The following DHRS4 variants were observed in gnomAD, a reference collection of about 807,000 sequenced individuals.
DHRS4 encodes the protein dehydrogenase/reductase 4, also known as dehydrogenase/reductase SDR family member 4.
A neutral mutation model predicts 28.4 loss-of-function variants in DHRS4; 20 were observed. That is an observed-to-expected ratio of 0.71 (90% CI 0.50 to 1.02). The LOEUF (loss-of-function observed/expected upper bound fraction) is 1.02, where lower values mean the gene tolerates loss of function less well. DHRS4 is among the 50% of genes least tolerant of loss of function. The pLI is 0.00. For missense variants in DHRS4, 378 were observed against 367.2 expected, an observed-to-expected ratio of 1.03 and a Z score of -0.24; for synonymous variants, 144 against 146.4, an observed-to-expected ratio of 0.98 and a Z score of 0.12.
chr14:23,955,272 T>C, intron 2 of DHRS4, 60 bp downstream of exon 2: 3 of 1,542,324 alleles, frequency 1.9e-6, no homozygotes, highest in Non-Finnish European at 2.6e-6. Context: ...AGCCTGAGCC[T>C]CCTTCCCTGC....
chr14:23,955,312 G>A, intron 2 of DHRS4, 100 bp downstream of exon 2: 4 of 1,462,480 alleles, frequency 2.7e-6, no homozygotes, highest in Non-Finnish European at 3.6e-6. Context: ...TTTTTACTGT[G>A]TGCCTTTCTA....
At chr14:23,958,117 G>A (rs1396622892) in intron 2 of DHRS4, among the ~76,000 whole-genome samples, 1 of 151,940 alleles carries the variant, frequency 6.6e-6, no homozygotes, top group Non-Finnish European at 1.5e-5. Context: ...CAGGTGACTT[G>A]GCTTTGTGCC....
chr14:23,959,779 A>G (rs563857554), intron 2 of DHRS4, 123 bp from the exon 3 acceptor site: 331 of 1,229,412 alleles, frequency 2.7e-4, no homozygotes, highest in Admixed American at 1.1e-3. Context: ...TTGGCCTCCC[A>G]AAGTGCCATG....
chr14:23,960,020 G>C lies in DHRS4; in HGVS notation c.408+17G>C. The C allele has an allele frequency of 6.3e-7, 1 of 1,593,374 alleles. No individual in the cohort carries two copies. Among genetic ancestry groups the C allele is most frequent in the Non-Finnish European group, 8.5e-7 (1 of 1,172,582 alleles). Reference sequence around the variant, plus strand: ...TGGGACAAGGTGAGAGGGGATTAAAGCAGGGGGGCCGGGGGGGGCGCCTTG... The same window carrying C: ...TGGGACAAGGTGAGAGGGGATTAAACCAGGGGGGCCGGGGGGGGCGCCTTG... On this transcript the variant is annotated intron_variant, in intron 3 of 7. Transcript: ENST00000313250.
At chr14:23,959,507 G>A (rs1391699077) in intron 2 of DHRS4, among the ~76,000 whole-genome samples, 2 of 152,090 alleles carry the variant, frequency 1.3e-5, no homozygotes, top group African/African-American at 4.8e-5. Flanking sequence ...GCAGTGAGCT[G>A]AGAACATGCC....
chr14:23,954,410 G>A lies in DHRS4; in HGVS notation c.128+494G>A, dbSNP rs542136353. ...TTGTTTAGGTCGGTACATCTGGGCC[G>A]ACCTTGCCCAGCCTGTTTCTCACCC... On this transcript the variant is annotated intron_variant, in intron 1 of 7. Transcript: ENST00000313250. 5.9e-5 allele frequency among the ~76,000 whole-genome samples: 9 copies of A among 152,222 alleles called. No individual in the cohort carries two copies. In the South Asian group the frequency reaches 6.2e-4, roughly 11 times the overall value.
Position 23,955,185 on chromosome 14 carries a change from G to A in DHRS4, c.279G>A (p.Ala93=), listed in dbSNP as rs577612599. The A allele has an allele frequency of 6.9e-5, 112 of 1,613,540 alleles. 3 individuals carry two copies. In the Admixed American group the frequency reaches 1.1e-3, roughly 16 times the overall value. ...GCACCGTGTGCCATGTGGGGAAGGC[G>A]GAGGACCGGGAGCGGCTGGTGGCCA... ...VTGTVCHVGK[A]EDRERLVATA... The change falls in exon 2 of 8, where the codon GCG becomes GCA. Residue 93 remains alanine (A), a synonymous_variant. Transcript: ENST00000313250.
intron 2 of DHRS4, among the ~76,000 whole-genome samples, chr14:23,957,681 C>T (rs1368765680): frequency 6.7e-6 from 1 of 149,490 alleles, no homozygotes; most frequent in Non-Finnish European, 1.5e-5. Flanking sequence ...CTCAGCCTCC[C>T]AAGTGGCTAA....
chr14:23,961,769 C>T (rs1385176383), intron 3 of DHRS4, among the ~76,000 whole-genome samples: 3 of 115,330 alleles, frequency 2.6e-5, no homozygotes, highest in Middle Eastern at 3.9e-3. Flanking sequence ...CACCTCAGCC[C>T]CCCAAAATAT....
At chr14:23,968,729 C>T (rs201391724) in intron 7 of DHRS4, 28 bp from the exon 8 acceptor site, 16 of 1,603,998 alleles carry the variant, frequency 1.0e-5, no homozygotes, top group Non-Finnish European at 1.3e-5. Flanking sequence ...TGATTTTTAC[C>T]TCCTTCCTTG....
chr14:23,969,055 T>C lies in DHRS4; in HGVS notation c.*184T>C, dbSNP rs2033759803. 5 of 1,294,272 alleles carry C rather than the reference T, an allele frequency of 3.9e-6. No individual in the cohort carries two copies. Among genetic ancestry groups the C allele is most frequent in the Non-Finnish European group, 5.1e-6 (5 of 973,476 alleles). The allele number at this position is 1,294,272 out of a possible 1,614,324, so 80.2% of individuals were successfully genotyped here. On this transcript the variant is annotated 3_prime_UTR_variant, in exon 8 of 8. Coordinates refer to ENST00000313250, the MANE Select transcript of DHRS4 (RefSeq NM_021004.4). The stretch of plus-strand genomic sequence containing the variant: ...GGCGTCTTACTCGGGATTTCTGCTG[T>C]TGTTGTGGCCTTGGGTAAAGGCCTC...
chr14:23,966,936 A>G (rs1284014260), intron 6 of DHRS4, among the ~76,000 whole-genome samples: 1 of 152,250 alleles, frequency 6.6e-6, no homozygotes, highest in Non-Finnish European at 1.5e-5. Flanking sequence ...CGGGCAGATC[A>G]CGAGGTCAGG....
At position 23,954,018 on chromosome 14, in the gene DHRS4, C is replaced by T. The variant is rs550087083; in HGVS notation, c.128+102C>T. 17 of 1,488,432 alleles carry T rather than the reference C, an allele frequency of 1.1e-5. No individual in the cohort carries two copies. In the African/African-American group the frequency reaches 2.1e-4, roughly 18 times the overall value. The allele number at this position is 1,488,432 out of a possible 1,614,324, so 92.2% of individuals were successfully genotyped here. Reference sequence around the variant, plus strand: ...TGCCCCTGTCCTCAGACCTTACACGCTGCCAAAGTCTGGCCCTGGAAAAAA... The same window carrying T: ...TGCCCCTGTCCTCAGACCTTACACGTTGCCAAAGTCTGGCCCTGGAAAAAA... On this transcript the variant is annotated intron_variant, in intron 1 of 7. Coordinates refer to ENST00000313250, the MANE Select transcript of DHRS4 (RefSeq NM_021004.4).
At chr14:23,960,311 C>T (rs1366994764) in intron 3 of DHRS4, among the ~76,000 whole-genome samples, 6 of 152,036 alleles carry the variant, frequency 3.9e-5, no homozygotes, top group Admixed American at 6.5e-5. Flanking sequence ...CCAACAGAGA[C>T]GTAGGCAGCT....
At chr14:23,956,268 C>G (rs2033143274) in intron 2 of DHRS4, among the ~76,000 whole-genome samples, 1 of 152,202 alleles carries the variant, frequency 6.6e-6, no homozygotes, top group Admixed American at 6.5e-5. Context: ...GTTTGGGAGT[C>G]TGGATCAATT....
intron 2 of DHRS4, 77 bp from the exon 3 acceptor site, chr14:23,959,825 G>T (rs929303196): frequency 6.5e-7 from 1 of 1,539,950 alleles, no homozygotes; most frequent in Non-Finnish European, 9.0e-7. Flanking sequence ...TGCCCAGAAG[G>T]AAGTTTTTAT....
At chr14:23,966,788 C>G (rs1286872964) in intron 6 of DHRS4, among the ~76,000 whole-genome samples, 7 of 152,386 alleles carry the variant, frequency 4.6e-5, no homozygotes, top group Admixed American at 2.0e-4. Flanking sequence ...AAGTCTCTCT[C>G]CCCATCCCTC....
At position 23,955,072 on chromosome 14, in the gene DHRS4, G is replaced by C. The variant is rs1127278; in HGVS notation, c.166G>C (p.Gly56Arg). Residue 56 changes from glycine to arginine, a missense_variant, in exon 2 of 8, where the codon GGG becomes CGG. Transcript: ENST00000313250. ...CATCGCCCGGCGTTTGGCCCAGGAC[G>C]GGGCCCATGTGGTCGTCAGCAGCCG... ...FAIARRLAQDGAHVVVSSRKQ... is the reference protein window; with the variant it reads ...FAIARRLAQDRAHVVVSSRKQ... 89 of 1,614,126 alleles carry C rather than the reference G, an allele frequency of 5.5e-5. No individual in the cohort carries two copies. In the East Asian group the frequency reaches 1.5e-3, roughly 27 times the overall value.
At chr14:23,962,219 C>T (rs1352918788) in intron 3 of DHRS4, among the ~76,000 whole-genome samples, 1 of 90,020 alleles carries the variant, frequency 1.1e-5, no homozygotes, top group Non-Finnish European at 2.3e-5. Flanking sequence ...GGTGGTGTTG[C>T]TGAAGGCTGG....
Sources: gnomAD v4.1 joint callset for allele counts (sites outside exome capture counted in the v4.1 genomes callset) on GRCh38, gnomAD v4.1.1 for gene constraint, MANE v1.5 for transcripts, NCBI Gene and HGNC (gene_info 2026-07-23, HGNC 2026-07-21) for gene names.